Variants in KCNB2 observed in about 807,000 individuals in gnomAD.
The protein encoded by KCNB2 is potassium voltage-gated channel subfamily B member 2.
A neutral mutation model predicts 61.5 loss-of-function variants in KCNB2; 15 were observed. The observed-to-expected ratio is 0.24, with a 90% CI of 0.16 to 0.38. The LOEUF (loss-of-function observed/expected upper bound fraction) is 0.38, where lower values mean the gene tolerates loss of function less well. KCNB2 is among the 10% of genes least tolerant of loss of function. The pLI is 1.00. For synonymous variants in KCNB2, 457 were observed against 446.0 expected, an observed-to-expected ratio of 1.02 and a Z score of -0.31; for missense variants, 828 against 1,125.2, an observed-to-expected ratio of 0.74 and a Z score of 3.78.
intron 2 of KCNB2, among the ~76,000 whole-genome samples, chr8:72,836,859 A>G (rs1486148236): frequency 1.3e-5 from 2 of 152,196 alleles, no homozygotes; most frequent in Non-Finnish European, 2.9e-5. Flanking sequence ...GCAATGAGCC[A>G]TGTTTGTGCC....
intron 2 of KCNB2, among the ~76,000 whole-genome samples, chr8:72,604,220 G>A (rs1019892076): frequency 9.2e-5 from 14 of 152,082 alleles, no homozygotes; most frequent in Admixed American, 3.3e-4. Flanking sequence ...TACGTTAAAC[G>A]AGTTAAGATG....
chr8:72,805,789 T>C (rs564086137), intron 2 of KCNB2, among the ~76,000 whole-genome samples: 9 of 152,302 alleles, frequency 5.9e-5, no homozygotes, highest in African/African-American at 2.2e-4. Context: ...ATGAAATGCT[T>C]CTCTGTAGTT....
At position 72,937,604 on chromosome 8, in the gene KCNB2, A is replaced by C; in HGVS notation, c.2249A>C (p.Gln750Pro). ...GCTGACTTTTCGCTCACTACCCCGC[A>C]GCACATCAGTACCATCCTCTTAGAA... ...TTADFSLTTP[Q>P]HISTILLEET... The change falls in exon 3 of 3, where the codon CAG becomes CCG. Residue 750 changes from glutamine (Q) to proline (P), a missense_variant. Physicochemically the swap from Gln to Pro is moderately conservative, Grantham distance 76 (BLOSUM62 -1). Coordinates refer to ENST00000523207, the MANE Select transcript of KCNB2 (RefSeq NM_004770.3). 6.2e-7 allele frequency: 1 copy of C among 1,614,004 alleles called. No homozygotes were observed. Among genetic ancestry groups the C allele is most frequent in the Non-Finnish European group, 8.5e-7 (1 of 1,179,994 alleles).
chr8:72,692,281 T>C (rs1021570901), intron 2 of KCNB2, among the ~76,000 whole-genome samples: 3 of 150,646 alleles, frequency 2.0e-5, no homozygotes, highest in Admixed American at 6.6e-5. Context: ...ATTTTGTACA[T>C]CTTTGTCTGT....
At chr8:72,710,540 A>G (rs796314510) in intron 2 of KCNB2, among the ~76,000 whole-genome samples, 33 of 152,252 alleles carry the variant, frequency 2.2e-4, no homozygotes, top group African/African-American at 7.7e-4. Flanking sequence ...AACTAAAGGA[A>G]AAGTGGATAG....
intron 2 of KCNB2, among the ~76,000 whole-genome samples, chr8:72,804,514 T>C (rs1809185090): frequency 6.6e-6 from 1 of 152,176 alleles, no homozygotes; most frequent in South Asian, 2.1e-4. Flanking sequence ...AGATTAATAT[T>C]GGTATTTGAT....
chr8:72,838,065 T>C (rs1002212601), intron 2 of KCNB2, among the ~76,000 whole-genome samples: 1 of 152,192 alleles, frequency 6.6e-6, no homozygotes, highest in Non-Finnish European at 1.5e-5. Context: ...TCTTAAAATA[T>C]TCATTAACAA....
chr8:72,825,614 T>C (rs754670782), intron 2 of KCNB2, among the ~76,000 whole-genome samples: 1 of 152,244 alleles, frequency 6.6e-6, no homozygotes, highest in Non-Finnish European at 1.5e-5. Flanking sequence ...GGTATCTCAC[T>C]GTGGTTTTGA....
chr8:72,637,467 A>C (rs948771577), intron 2 of KCNB2, among the ~76,000 whole-genome samples: 2 of 152,048 alleles, frequency 1.3e-5, no homozygotes, highest in African/African-American at 4.8e-5. Context: ...ATCCTTTTCT[A>C]TCAGATGATC....
chr8:72,869,893 CTATTCACTGCGGTAT>C, intron 2 of KCNB2, among the ~76,000 whole-genome samples: 1 of 152,292 alleles, frequency 6.6e-6, no homozygotes, highest in East Asian at 1.9e-4. Flanking sequence ...CTGCACCCCC[CTATTCACTGCGGTAT>C]TATTCACAAT....
intron 2 of KCNB2, among the ~76,000 whole-genome samples, chr8:72,934,193 C>T (rs1806849755): frequency 6.6e-6 from 1 of 151,800 alleles, no homozygotes; most frequent in South Asian, 2.1e-4. Flanking sequence ...GGCGAAACCC[C>T]GTATCTACTA....
Position 72,764,251 on chromosome 8 carries a change from C to T in KCNB2, c.580-171684C>T, listed in dbSNP as rs114458732. Among the ~76,000 whole-genome samples the T allele has an allele frequency of 2.0e-3, 303 of 152,256 alleles. 1 individual carries two copies. Among genetic ancestry groups the T allele is most frequent in the African/African-American group, 6.9e-3 (288 of 41,554 alleles). ...TGGATGATAGGCAACCAGCACCTGA[C>T]TGGAGCAGATATGGGAGAATGTGCC... On this transcript the variant is annotated intron_variant, in intron 2 of 2. Coordinates refer to ENST00000523207, the MANE Select transcript of KCNB2 (RefSeq NM_004770.3).
At chr8:72,738,032 C>A (rs1459560511) in intron 2 of KCNB2, among the ~76,000 whole-genome samples, 6 of 152,040 alleles carry the variant, frequency 3.9e-5, no homozygotes, top group African/African-American at 1.2e-4. Flanking sequence ...AAAAATATAC[C>A]CGTTTACACA....
At chr8:72,778,733 C>CAAAAA (rs753797385) in intron 2 of KCNB2, among the ~76,000 whole-genome samples, 452 of 14,148 alleles carry the variant, frequency 0.032, 51 homozygotes, top group Admixed American at 0.048. Flanking sequence ...ACAGAGCGAG[C>CAAAAA]AAAAAAAAAA....
chr8:72,897,667 A>T (rs1470183749), intron 2 of KCNB2, among the ~76,000 whole-genome samples: 1 of 152,124 alleles, frequency 6.6e-6, no homozygotes, highest in African/African-American at 2.4e-5. Context: ...ATTTGTCCCA[A>T]ATTCGTTAAT....
chr8:72,856,664 T>G (rs936844129), intron 2 of KCNB2, among the ~76,000 whole-genome samples: 1 of 152,324 alleles, frequency 6.6e-6, no homozygotes. Flanking sequence ...GTTTCCTCTG[T>G]TTTTTATGAA....
chr8:72,577,305 A>ATG (rs35626904), intron 2 of KCNB2, among the ~76,000 whole-genome samples: 87,189 of 150,288 alleles, frequency 0.58, 28,731 homozygotes, highest in Non-Finnish European at 0.72. Context: ...GTGTGTGTGT[A>ATG]TGTGTGTGTG....
At chr8:72,633,517 G>A (rs1585797153) in intron 2 of KCNB2, among the ~76,000 whole-genome samples, 1 of 152,218 alleles carries the variant, frequency 6.6e-6, no homozygotes, top group East Asian at 1.9e-4. Flanking sequence ...TCTTTCAGGG[G>A]CCATTCTGCC....
At chr8:72,724,746 T>G (rs897303580) in intron 2 of KCNB2, among the ~76,000 whole-genome samples, 4 of 152,224 alleles carry the variant, frequency 2.6e-5, no homozygotes, top group Admixed American at 1.3e-4. Flanking sequence ...TTGCTAATTC[T>G]GGTAATTCTA....
Sources: allele counts gnomAD v4.1 joint callset (sites outside exome capture counted in the v4.1 genomes callset), GRCh38; gene constraint gnomAD v4.1.1; transcripts MANE v1.5; gene names NCBI Gene and HGNC (gene_info 2026-07-23, HGNC 2026-07-21).